The following PCDH15 variants were observed in gnomAD, a reference collection of about 807,000 sequenced individuals.
PCDH15 encodes protocadherin-15.
In PCDH15, 129 loss-of-function variants were observed where a neutral mutation model predicts 178.5. That is an observed-to-expected ratio of 0.72 (90% CI 0.63 to 0.84). The LOEUF is 0.84. PCDH15 is among the 40% of genes least tolerant of loss of function. The pLI is 0.00. For synonymous variants in PCDH15, 800 were observed against 732.0 expected (o/e 1.09, Z -1.50); for missense variants, 2,230 against 2,099.9 (o/e 1.06, Z -1.21).
At chr10:54,229,908 C>T (rs780886137) in intron 9 of PCDH15, among the ~76,000 whole-genome samples, 7 of 152,154 alleles carry the variant, frequency 4.6e-5, no homozygotes, top group Non-Finnish European at 1.0e-4. Flanking sequence ...CCTTGAATTA[C>T]TTGAATTAGA....
intron 14 of PCDH15, among the ~76,000 whole-genome samples, chr10:54,139,197 T>A (rs2043158921): frequency 6.6e-6 from 1 of 152,096 alleles, no homozygotes; most frequent in Non-Finnish European, 1.5e-5. Flanking sequence ...CTTTGACAAA[T>A]GAGACTAATG....
chr10:55,512,139 T>C (rs967673557), intron 2 of PCDH15, among the ~76,000 whole-genome samples: 2 of 152,080 alleles, frequency 1.3e-5, no homozygotes, highest in Non-Finnish European at 2.9e-5. Context: ...CTAAAACTAG[T>C]CCATTTTCTT....
At chr10:55,056,441 T>C (rs1841305292) in intron 2 of PCDH15, among the ~76,000 whole-genome samples, 1 of 151,972 alleles carries the variant, frequency 6.6e-6, no homozygotes, top group Non-Finnish European at 1.5e-5. Context: ...GAAAATCTGC[T>C]TCTCAAAATT....
intron 2 of PCDH15, among the ~76,000 whole-genome samples, chr10:55,118,509 A>T (rs2132063505): frequency 6.6e-6 from 1 of 152,278 alleles, no homozygotes; most frequent in Non-Finnish European, 1.5e-5. Context: ...ACTTTGAAAA[A>T]ATCCCAGTGC....
At chr10:55,105,056 TG>T (rs1466497684) in intron 2 of PCDH15, among the ~76,000 whole-genome samples, 32 of 152,230 alleles carry the variant, frequency 2.1e-4, no homozygotes, top group Admixed American at 1.6e-3. Context: ...TGTGCAGTTA[TG>T]ACTTAATGCT....
At chr10:55,299,677 A>G (rs1843221643) in intron 1 of PCDH15, among the ~76,000 whole-genome samples, 1 of 152,210 alleles carries the variant, frequency 6.6e-6, no homozygotes, top group South Asian at 2.1e-4. Context: ...GATGTGACAG[A>G]CATAAAGAAG....
intron 3 of PCDH15, among the ~76,000 whole-genome samples, chr10:54,429,634 G>A (rs376764929): frequency 2.6e-5 from 4 of 152,100 alleles, no homozygotes; most frequent in African/African-American, 9.6e-5. Context: ...GTAAAGGCAC[G>A]GAAAAATATA....
intron 1 of PCDH15, among the ~76,000 whole-genome samples, chr10:55,259,121 T>A (rs1464219320): frequency 6.6e-6 from 1 of 152,174 alleles, no homozygotes; most frequent in Non-Finnish European, 1.5e-5. Flanking sequence ...GTCTCACTAA[T>A]CAGCTTTCTG....
At chr10:54,407,668 G>C (rs1364128493) in intron 3 of PCDH15, among the ~76,000 whole-genome samples, 4 of 152,068 alleles carry the variant, frequency 2.6e-5, no homozygotes, top group Non-Finnish European at 5.9e-5. Context: ...ATTCACTTGT[G>C]TCCACAAGGG....
chr10:54,076,113 T>C (rs2135918531), intron 17 of PCDH15, among the ~76,000 whole-genome samples: 1 of 152,276 alleles, frequency 6.6e-6, no homozygotes, highest in Admixed American at 6.5e-5. Flanking sequence ...TTCAATTTAG[T>C]TATGTTTTAT....
At chr10:54,762,588 G>GA (rs1948029602) in intron 1 of PCDH15, among the ~76,000 whole-genome samples, 3 of 151,946 alleles carry the variant, frequency 2.0e-5, no homozygotes, top group African/African-American at 7.3e-5. Flanking sequence ...TGTCTTGTTT[G>GA]AAAAAATACT....
intron 1 of PCDH15, among the ~76,000 whole-genome samples, chr10:54,699,173 T>G (rs1175852484): frequency 6.6e-6 from 1 of 152,086 alleles, no homozygotes; most frequent in Non-Finnish European, 1.5e-5. Context: ...TACACCTTAA[T>G]GATATTTCAA....
intron 8 of PCDH15, among the ~76,000 whole-genome samples, chr10:54,257,281 G>A (rs79710525): frequency 0.033 from 5,086 of 152,096 alleles, 211 homozygotes; most frequent in African/African-American, 0.096. Flanking sequence ...AGAGGGTTGC[G>A]TTATGAGGGA....
intron 26 of PCDH15, among the ~76,000 whole-genome samples, chr10:53,895,085 G>T (rs2081860358): frequency 6.6e-6 from 1 of 152,142 alleles, no homozygotes; most frequent in African/African-American, 2.4e-5. Flanking sequence ...TAAAAATTCA[G>T]AAATGTGCTG....
intron 2 of PCDH15, among the ~76,000 whole-genome samples, chr10:55,032,705 A>C (rs2131967912): frequency 6.6e-6 from 1 of 152,324 alleles, no homozygotes; most frequent in South Asian, 2.1e-4. Context: ...ACTAGTTTGG[A>C]TAGACGGGTG....
chr10:55,616,241 C>T (rs1843471685), intron 2 of PCDH15, among the ~76,000 whole-genome samples: 1 of 152,246 alleles, frequency 6.6e-6, no homozygotes, highest in African/African-American at 2.4e-5. Flanking sequence ...TAACAACACA[C>T]TTTAACAGTA....
intron 1 of PCDH15, among the ~76,000 whole-genome samples, chr10:55,309,607 T>C (rs187666024): frequency 1.3e-5 from 2 of 151,602 alleles, no homozygotes; most frequent in African/African-American, 2.4e-5. Flanking sequence ...CCAGAGAAAA[T>C]ACTGAACTAG....
intron 1 of PCDH15, among the ~76,000 whole-genome samples, chr10:55,202,106 A>G (rs577686451): frequency 6.6e-6 from 1 of 152,204 alleles, no homozygotes; most frequent in South Asian, 2.1e-4. Flanking sequence ...CATTTGCTGA[A>G]TTAAAGATAG....
intron 2 of PCDH15, among the ~76,000 whole-genome samples, chr10:55,449,189 T>C (rs1839381126): frequency 6.6e-6 from 1 of 152,084 alleles, no homozygotes; most frequent in Non-Finnish European, 1.5e-5. Flanking sequence ...TCATTCTCAT[T>C]GTAAAACCTC....
Sources: gnomAD v4.1 joint callset for allele counts (sites outside exome capture counted in the v4.1 genomes callset) on GRCh38, gnomAD v4.1.1 for gene constraint, MANE v1.5 for transcripts, NCBI Gene and HGNC (gene_info 2026-07-23, HGNC 2026-07-21) for gene names.